The following CPM variants were observed in gnomAD, a reference collection of about 807,000 sequenced individuals.
CPM encodes renal carboxypeptidase.
In CPM, 35 loss-of-function variants were observed where a neutral mutation model predicts 46.4. That is an observed-to-expected ratio of 0.75 (90% confidence interval 0.58 to 1.00). CPM has a LOEUF of 1.00. Ranked by LOEUF, CPM falls within the 50% of genes least tolerant of loss-of-function variation. CPM has a pLI of 0.00. For synonymous variants in CPM, 195 were observed against 195.3 expected, an observed-to-expected ratio of 1.00 and a Z score of 0.01; for missense variants, 422 against 530.4, an observed-to-expected ratio of 0.80 and a Z score of 2.01.
intron 5 of CPM, chr12:68,842,625 T>TA (rs903003338): frequency 1.6e-4 from 47 of 288,560 alleles, no homozygotes; most frequent in African/African-American, 9.6e-4. Context: ...ATAAAATAGT[T>TA]ACGCTATTTG....
In CPM at chr12:68,876,919, T is replaced by TGTGA. The variant is rs1555194761; in HGVS notation, c.259-4964_259-4963insTCAC. On this transcript the variant is annotated intron_variant, in intron 3 of 8. Coordinates refer to ENST00000551568, the MANE Select transcript of CPM (RefSeq NM_198320.5). ...GTGTGTGTGTGTGTGTGTGTGTGTG[T>TGTGA]GAGAGAGAGAGAGAGAGAGAATCTT... Among the ~76,000 whole-genome samples the TGTGA allele has an allele frequency of 2.3e-4, 15 of 66,094 alleles. No individual in the cohort carries two copies. The South Asian group carries it at 5.5e-3, about 24-fold the overall frequency. 43.4% of individuals were successfully genotyped at this position (66,094 alleles called of 152,430 possible). A position where few individuals can be genotyped will look rare whatever the true frequency, so the allele number is the denominator to read the frequency against.
At chr12:68,933,034 G>C (rs1245906496) in intron 1 of CPM, 108 bp downstream of exon 1, 5 of 524,476 alleles carry the variant, frequency 9.5e-6, no homozygotes, top group Non-Finnish European at 1.7e-5. Flanking sequence ...GGGCAGCCTC[G>C]GTGCCCTCGA....
intron 2 of CPM, chr12:68,911,912 G>A (rs369040013): frequency 6.6e-6 from 1 of 152,156 alleles, no homozygotes; most frequent in African/African-American, 2.4e-5. Flanking sequence ...TTATTAAACA[G>A]TCTTATTATA....
At chr12:68,928,742 CTTTT>C (rs398020021) in intron 2 of CPM, among the ~76,000 whole-genome samples, 1 of 142,180 alleles carries the variant, frequency 7.0e-6, no homozygotes, top group African/African-American at 2.6e-5. Flanking sequence ...AGACAAGATA[CTTTT>C]TTTTTTTTTT....
intron 3 of CPM, among the ~76,000 whole-genome samples, chr12:68,882,402 C>G (rs1474855122): frequency 4.6e-5 from 7 of 151,796 alleles, no homozygotes; most frequent in Non-Finnish European, 1.0e-4. Context: ...TGATCTTGTT[C>G]TTTTTTCATG....
intron 2 of CPM, chr12:68,914,080 G>A (rs1394243726): frequency 1.7e-6 from 1 of 600,478 alleles, no homozygotes; most frequent in East Asian, 3.2e-5. Flanking sequence ...CTTGGAATCT[G>A]GGTAATTACA....
At chr12:68,883,964 G>T (rs1323055024) in intron 3 of CPM, among the ~76,000 whole-genome samples, 3 of 150,856 alleles carry the variant, frequency 2.0e-5, no homozygotes, top group African/African-American at 7.3e-5. Context: ...AAAAAAATTA[G>T]CTGGGCATAG....
chr12:68,873,277 G>T (rs572343684), intron 3 of CPM, among the ~76,000 whole-genome samples: 1 of 152,166 alleles, frequency 6.6e-6, no homozygotes, highest in East Asian at 1.9e-4. Flanking sequence ...AAGGATAAGC[G>T]GTCCTTGGAT....
At chr12:68,888,943 G>A (rs1350657893) in intron 2 of CPM, among the ~76,000 whole-genome samples, 3 of 152,202 alleles carry the variant, frequency 2.0e-5, no homozygotes, top group Non-Finnish European at 4.4e-5. Flanking sequence ...CAGGACTTCA[G>A]GAGAAAGAAG....
intron 5 of CPM, chr12:68,844,067 ATTT>A (rs758204305): frequency 5.8e-5 from 12 of 205,834 alleles, no homozygotes; most frequent in Non-Finnish European, 7.9e-5. Flanking sequence ...AGTGACAGCT[ATTT>A]TTACAAAATT....
chr12:68,941,170 C>CAT (rs1555201993), intron 1 of CPM, among the ~76,000 whole-genome samples: 12 of 140,506 alleles, frequency 8.5e-5, no homozygotes, highest in African/African-American at 3.2e-4. Flanking sequence ...GTGCTGAGTA[C>CAT]GTGTGTGTGT....
chr12:68,856,392 T>C lies in CPM; in HGVS notation c.*45A>G. 6.3e-7 allele frequency: 1 copy of C among 1,588,626 alleles called. No homozygotes were observed. The highest frequency in any genetic ancestry group is 1.3e-5 in the African/African-American group (1 of 74,522). ...GGTTGCAGTAACCTGGAGTGAGCAA[T>C]CCCTGATTCCAGGTGGTGATGTGGG... is the stretch of plus-strand genomic sequence containing the variant. On this transcript the variant is annotated 3_prime_UTR_variant, in exon 9 of 9. Coordinates refer to ENST00000551568, the MANE Select transcript of CPM (RefSeq NM_198320.5).
chr12:68,848,139 A>G (rs1884457349), downstream of CPM: 1 of 152,218 alleles, frequency 6.6e-6, no homozygotes, highest in Non-Finnish European at 1.5e-5. Context: ...AAAAAAATAA[A>G]AAATAACAGT....
At chr12:68,905,028 C>G (rs539126220) in intron 2 of CPM, among the ~76,000 whole-genome samples, 15 of 152,216 alleles carry the variant, frequency 9.9e-5, no homozygotes, top group Admixed American at 3.9e-4. Flanking sequence ...CCTGCCTCAG[C>G]CTCCCGAGTA....
intron 2 of CPM, among the ~76,000 whole-genome samples, chr12:68,918,900 C>T (rs1017824134): frequency 6.6e-6 from 1 of 152,182 alleles, no homozygotes; most frequent in South Asian, 2.1e-4. Context: ...TCAATGGTTT[C>T]CCATTATTCT....
At chr12:68,907,178 G>T (rs182582293) in intron 2 of CPM, among the ~76,000 whole-genome samples, 1 of 152,328 alleles carries the variant, frequency 6.6e-6, no homozygotes, top group Admixed American at 6.5e-5. Context: ...CTGATAACCA[G>T]TAAGGTGTCA....
chr12:68,905,278 T>TTC (rs1011761750), intron 2 of CPM, among the ~76,000 whole-genome samples: 15 of 151,420 alleles, frequency 9.9e-5, no homozygotes, highest in African/African-American at 2.9e-4. Flanking sequence ...ATCTTTTTTT[T>TTC]TCTCTCTCTC....
chr12:68,908,149 A>G (rs1887431317), intron 2 of CPM, among the ~76,000 whole-genome samples: 1 of 152,208 alleles, frequency 6.6e-6, no homozygotes, highest in Admixed American at 6.6e-5. Flanking sequence ...ATGGACTATT[A>G]TCTCAAACTC....
chr12:68,911,586 T>C (rs375943248), intron 2 of CPM, among the ~76,000 whole-genome samples: 1 of 152,174 alleles, frequency 6.6e-6, no homozygotes, highest in African/African-American at 2.4e-5. Flanking sequence ...AAACAGTAGT[T>C]TGAGGGTTTT....
Sources: allele counts gnomAD v4.1 joint callset (sites outside exome capture counted in the v4.1 genomes callset), GRCh38; gene constraint gnomAD v4.1.1; transcripts MANE v1.5; gene names NCBI Gene and HGNC (gene_info 2026-07-23, HGNC 2026-07-21).